ST3GAL1: variants seen among roughly 807,000 people sequenced by gnomAD.
ST3GAL1 encodes ST3 beta-galactoside alpha-2,3-sialyltransferase 1.
A neutral mutation model predicts 34.1 loss-of-function variants in ST3GAL1; 16 were observed. The ratio of observed to expected loss-of-function variants is 0.47; its 90% CI spans 0.32 to 0.71. The LOEUF (loss-of-function observed/expected upper bound fraction) is 0.71, where lower values mean the gene tolerates loss of function less well. Ranked by LOEUF, ST3GAL1 falls within the 30% of genes least tolerant of loss-of-function variation. The pLI is 0.04. For synonymous variants in ST3GAL1, 191 were observed against 184.7 expected, an observed-to-expected ratio of 1.03 and a Z score of -0.28; for missense variants, 353 against 447.4, an observed-to-expected ratio of 0.79 and a Z score of 1.90.
intron 2 of ST3GAL1, among the ~76,000 whole-genome samples, chr8:133,507,070 G>A (rs555107186): frequency 5.1e-4 from 77 of 152,296 alleles, no homozygotes; most frequent in Non-Finnish European, 9.8e-4. Context: ...AAGATTATAG[G>A]CAGCAGGAAG....
chr8:133,538,493 C>A (rs538605596), intron 2 of ST3GAL1, among the ~76,000 whole-genome samples: 3 of 152,084 alleles, frequency 2.0e-5, no homozygotes, highest in Non-Finnish European at 2.9e-5. Context: ...CCAGCCTGGG[C>A]GACAGAGCGA....
At chr8:133,552,366 G>A (rs1221167281) in intron 1 of ST3GAL1, among the ~76,000 whole-genome samples, 2 of 152,248 alleles carry the variant, frequency 1.3e-5, no homozygotes, top group Admixed American at 1.3e-4. Flanking sequence ...AGACACAGAA[G>A]CTGAGTGAGG....
intron 5 of ST3GAL1, among the ~76,000 whole-genome samples, chr8:133,468,698 C>G (rs1815836391): frequency 6.6e-6 from 1 of 152,176 alleles, no homozygotes; most frequent in Admixed American, 6.5e-5. Flanking sequence ...ATGGGATCAT[C>G]CAGGGTGGCT....
chr8:133,486,865 C>T (rs1816623479), intron 3 of ST3GAL1, among the ~76,000 whole-genome samples: 1 of 152,224 alleles, frequency 6.6e-6, no homozygotes, highest in African/African-American at 2.4e-5. Flanking sequence ...TAAAATGCAA[C>T]AATGATCCCA....
chr8:133,482,661 A>C (rs1816440122), intron 3 of ST3GAL1, among the ~76,000 whole-genome samples: 1 of 152,172 alleles, frequency 6.6e-6, no homozygotes. Flanking sequence ...ATTATTGAAA[A>C]ACAGATCCTC....
At chr8:133,492,122 A>T (rs1298962600) in intron 3 of ST3GAL1, among the ~76,000 whole-genome samples, 1 of 152,156 alleles carries the variant, frequency 6.6e-6, no homozygotes, top group Non-Finnish European at 1.5e-5. Context: ...GACACTGGGC[A>T]GCTTGGACCA....
rs941055720 is a variant in ST3GAL1, at chr8:133,508,571, C to T, written c.-428-9382G>A. On this transcript the variant is annotated intron_variant, in intron 2 of 9. Coordinates refer to ENST00000522652, the MANE Select transcript of ST3GAL1 (RefSeq NM_173344.3). The surrounding 1 kb of genome is among the most constrained non-coding windows in gnomAD (Gnocchi z 4.1). The stretch of plus-strand genomic sequence containing the variant: ...CCCTGTTTGAGGCTGATCTCTGCAG[C>T]GACTGTAAGGAAGAGACAATCTCAG... Among the ~76,000 whole-genome samples the T allele has an allele frequency of 5.3e-5, 8 of 152,120 alleles. No individual in the cohort carries two copies. Among genetic ancestry groups the T allele is most frequent in the African/African-American group, 1.7e-4 (7 of 41,420 alleles).
intron 1 of ST3GAL1, among the ~76,000 whole-genome samples, chr8:133,569,786 G>C (rs1819510532): frequency 6.6e-6 from 1 of 152,218 alleles, no homozygotes; most frequent in Admixed American, 6.5e-5. Context: ...GCAGCCGGCA[G>C]GGGGCAGTGC....
chr8:133,563,302 T>C (rs553771084), intron 1 of ST3GAL1, among the ~76,000 whole-genome samples: 69 of 152,344 alleles, frequency 4.5e-4, no homozygotes, highest in African/African-American at 1.6e-3. Context: ...TTGGAGCTAA[T>C]GTTCTTTTCT....
At chr8:133,485,436 AAG>A (rs1361040695) in intron 3 of ST3GAL1, among the ~76,000 whole-genome samples, 1 of 152,144 alleles carries the variant, frequency 6.6e-6, no homozygotes, top group Non-Finnish European at 1.5e-5. Flanking sequence ...CCTCAACCTG[AAG>A]CATTGCAGCC....
chr8:133,560,270 A>C (rs962379570), intron 1 of ST3GAL1, among the ~76,000 whole-genome samples: 10 of 152,182 alleles, frequency 6.6e-5, no homozygotes, highest in Admixed American at 2.6e-4. Flanking sequence ...TAAAAAAAAA[A>C]ACACACTGAA....
chr8:133,499,868 T>C (rs1343870515), intron 2 of ST3GAL1, among the ~76,000 whole-genome samples: 1 of 152,056 alleles, frequency 6.6e-6, no homozygotes, highest in East Asian at 1.9e-4. Context: ...CAGGGAAGCG[T>C]GTGCACTCGC....
intron 1 of ST3GAL1, among the ~76,000 whole-genome samples, chr8:133,546,772 G>C (rs927990985): frequency 6.6e-6 from 1 of 152,062 alleles, no homozygotes; most frequent in Non-Finnish European, 1.5e-5. Flanking sequence ...GCCAAGGTGG[G>C]CGGATCACTT....
chr8:133,506,949 A>AAAT (rs1362052163), intron 2 of ST3GAL1, among the ~76,000 whole-genome samples: 4 of 105,688 alleles, frequency 3.8e-5, no homozygotes, highest in Non-Finnish European at 5.9e-5. Context: ...ATAAATAAAT[A>AAAT]AATAAATAAT....
intron 3 of ST3GAL1, among the ~76,000 whole-genome samples, chr8:133,493,848 G>GA (rs57843566): frequency 0.37 from 48,570 of 132,088 alleles, 9,424 homozygotes; most frequent in Middle Eastern, 0.48. Context: ...TCTGTATCAG[G>GA]AAAAAAAAAA....
At chr8:133,517,299 G>C (rs1053551003) in intron 2 of ST3GAL1, among the ~76,000 whole-genome samples, 2 of 152,140 alleles carry the variant, frequency 1.3e-5, no homozygotes, top group African/African-American at 4.8e-5. Flanking sequence ...CTGGGGAAGA[G>C]CCCACCAAAC....
intron 2 of ST3GAL1, among the ~76,000 whole-genome samples, chr8:133,522,783 C>G (rs1051509762): frequency 6.6e-6 from 1 of 152,208 alleles, no homozygotes; most frequent in Non-Finnish European, 1.5e-5. Context: ...AATGGACACA[C>G]TAATTACTGT....
intron 7 of ST3GAL1, among the ~76,000 whole-genome samples, chr8:133,464,529 G>T (rs1815651282): frequency 6.6e-6 from 1 of 152,248 alleles, no homozygotes. Flanking sequence ...AGAGTCTCCA[G>T]GGCGCGTGGA....
intron 3 of ST3GAL1, among the ~76,000 whole-genome samples, chr8:133,483,754 A>AG (rs57425409): frequency 0.024 from 3,654 of 152,238 alleles, 128 homozygotes; most frequent in African/African-American, 0.082. Flanking sequence ...CAGGGTTCCC[A>AG]GGGGCTCCCA....
Sources: allele counts gnomAD v4.1 joint callset (sites outside exome capture counted in the v4.1 genomes callset), GRCh38; gene constraint gnomAD v4.1.1; non-coding constraint Gnocchi (gnomAD v3.1); transcripts MANE v1.5; gene names NCBI Gene and HGNC (gene_info 2026-07-23, HGNC 2026-07-21).